The following MACROD2 variants were observed in gnomAD, a reference collection of about 807,000 sequenced individuals.
MACROD2 encodes the protein mono-ADP ribosylhydrolase 2, also known as ADP-ribose glycohydrolase MACROD2.
A neutral mutation model predicts 70.4 loss-of-function variants in MACROD2; 36 were observed. The observed-to-expected ratio is 0.51, with a 90% CI of 0.39 to 0.68. MACROD2 has a LOEUF of 0.68. MACROD2 is among the 30% of genes least tolerant of loss of function. The pLI is 0.00. For synonymous variants in MACROD2, 172 were observed against 178.8 expected, an observed-to-expected ratio of 0.96 and a Z score of 0.30; for missense variants, 496 against 538.4, an observed-to-expected ratio of 0.92 and a Z score of 0.78.
At chr20:14,931,158 T>C (rs530665310) in intron 5 of MACROD2, among the ~76,000 whole-genome samples, 2 of 152,120 alleles carry the variant, frequency 1.3e-5, no homozygotes, top group South Asian at 4.2e-4. Context: ...AAAACACATA[T>C]AGACACTGTC....
intron 3 of MACROD2, among the ~76,000 whole-genome samples, chr20:14,449,640 T>C (rs1018382221): frequency 6.6e-6 from 1 of 152,132 alleles, no homozygotes; most frequent in African/African-American, 2.4e-5. Context: ...TACAAAATAA[T>C]AGGTATCATT....
intron 5 of MACROD2, among the ~76,000 whole-genome samples, chr20:15,173,275 C>T (rs1277452682): frequency 1.3e-5 from 2 of 152,146 alleles, no homozygotes; most frequent in African/African-American, 4.8e-5. Context: ...AAAATGCTTC[C>T]TTTGATATTT....
At chr20:14,545,418 A>C (rs9808604) in intron 4 of MACROD2, among the ~76,000 whole-genome samples, 85,571 of 151,934 alleles carry the variant, frequency 0.56, 24,900 homozygotes, top group East Asian at 0.92. Flanking sequence ...CTACAGGATC[A>C]GATTCAGCTG....
chr20:15,461,223 T>G lies in MACROD2; in HGVS notation c.571+29788T>G, dbSNP rs151292534. 3.5e-3 allele frequency among the ~76,000 whole-genome samples: 533 copies of G among 151,818 alleles called. 7 individuals carry two copies. The highest frequency in any genetic ancestry group is 0.012 in the African/African-American group (511 of 41,404). Reference sequence around the variant, plus strand: ...TCATGTTAAAAGTATTCCAAGGATGTTCTCTTTGGATATTTATTTATTTTA... The same window carrying G: ...TCATGTTAAAAGTATTCCAAGGATGGTCTCTTTGGATATTTATTTATTTTA... On this transcript the variant is annotated intron_variant, in intron 7 of 17. Transcript: ENST00000684519.
At chr20:14,611,406 G>A (rs1983148435) in intron 4 of MACROD2, among the ~76,000 whole-genome samples, 1 of 143,722 alleles carries the variant, frequency 7.0e-6, no homozygotes. Context: ...CATTGGTTCT[G>A]TTTGGGGTCT....
At chr20:14,847,622 GT>G (rs1225233443) in intron 5 of MACROD2, among the ~76,000 whole-genome samples, 1 of 149,474 alleles carries the variant, frequency 6.7e-6, no homozygotes, top group African/African-American at 2.5e-5. Context: ...GCATTTCTTG[GT>G]AAGATGACAG....
chr20:15,096,245 A>G (rs1047186208), intron 5 of MACROD2, among the ~76,000 whole-genome samples: 6 of 151,980 alleles, frequency 3.9e-5, no homozygotes, highest in Admixed American at 2.0e-4. Flanking sequence ...CTCCTACTCA[A>G]GGTGCAATCA....
chr20:14,970,963 C>T (rs1258123277), intron 5 of MACROD2, among the ~76,000 whole-genome samples: 1 of 152,182 alleles, frequency 6.6e-6, no homozygotes, highest in East Asian at 1.9e-4. Flanking sequence ...AGCTATGATA[C>T]TTACACTATG....
At chr20:15,681,952 G>A (rs1307210016) in intron 8 of MACROD2, among the ~76,000 whole-genome samples, 2 of 152,116 alleles carry the variant, frequency 1.3e-5, no homozygotes, top group African/African-American at 4.8e-5. Flanking sequence ...TGATAGATTG[G>A]TGGCCATTCT....
intron 5 of MACROD2, among the ~76,000 whole-genome samples, chr20:15,020,609 T>C (rs758580599): frequency 6.6e-6 from 1 of 152,086 alleles, no homozygotes; most frequent in Non-Finnish European, 1.5e-5. Flanking sequence ...CATGTGAACA[T>C]CGTAGAGTGA....
At chr20:14,412,260 C>T (rs941861462) in intron 3 of MACROD2, among the ~76,000 whole-genome samples, 2 of 152,160 alleles carry the variant, frequency 1.3e-5, no homozygotes, top group Non-Finnish European at 2.9e-5. Context: ...TCCCGTCCCC[C>T]CTAGGCCCTT....
intron 8 of MACROD2, among the ~76,000 whole-genome samples, chr20:15,704,178 A>C (rs1324439138): frequency 2.0e-5 from 3 of 151,874 alleles, no homozygotes; most frequent in Non-Finnish European, 4.4e-5. Flanking sequence ...AATTTCCTAA[A>C]TCTAACCACC....
intron 8 of MACROD2, among the ~76,000 whole-genome samples, chr20:15,799,645 G>A (rs2063706262): frequency 6.6e-6 from 1 of 152,160 alleles, no homozygotes; most frequent in South Asian, 2.1e-4. Context: ...TGACAGAACA[G>A]TATTCCATTG....
At position 14,344,556 on chromosome 20, in the gene MACROD2, T is replaced by A. The variant is rs188264779; in HGVS notation, c.272-148923T>A. 4.0e-4 allele frequency among the ~76,000 whole-genome samples: 61 copies of A among 152,320 alleles called. No homozygotes were observed. The East Asian group carries it at 7.3e-3, about 18-fold the overall frequency. ...TTTCACTAGTTTTGTTTGTTTTTTG[T>A]TTTGTTTGACATTTGAAGTGTATTC... On this transcript the variant is annotated intron_variant, in intron 3 of 17. Coordinates refer to ENST00000684519, the MANE Select transcript of MACROD2 (RefSeq NM_001351661.2).
chr20:14,744,834 G>C (rs1305519329), intron 5 of MACROD2, among the ~76,000 whole-genome samples: 2 of 152,044 alleles, frequency 1.3e-5, no homozygotes, highest in Non-Finnish European at 1.5e-5. Flanking sequence ...GAGTTTTGCT[G>C]TCATAGACCA....
At chr20:15,410,273 C>CTATCCAGTTAGCTTTTTAGTACTTAT (rs2046059094) in intron 6 of MACROD2, among the ~76,000 whole-genome samples, 2 of 152,022 alleles carry the variant, frequency 1.3e-5, no homozygotes, top group African/African-American at 2.4e-5. Flanking sequence ...TTAGTACTTA[C>CTATCCAGTTAGCTTTTTAGTACTTAT]GACTATCTAA....
At chr20:14,934,651 G>A (rs981961676) in intron 5 of MACROD2, among the ~76,000 whole-genome samples, 6 of 152,086 alleles carry the variant, frequency 3.9e-5, no homozygotes, top group Non-Finnish European at 5.9e-5. Context: ...GCTGGGTGTG[G>A]TGGCATGTGC....
rs76443377 is a variant in MACROD2 at position 15,880,655 on chromosome 20, A to G, written c.728-5109A>G. 5.7e-3 allele frequency among the ~76,000 whole-genome samples: 868 copies of G among 152,074 alleles called. 8 individuals are homozygous for G. The highest frequency in any genetic ancestry group is 0.02 in the African/African-American group (826 of 41,498). ...ACTTGGGAAGCAAGGGATCTGGGGT[A>G]CTTATATGCAAATTGTCCATCATTT... On this transcript the variant is annotated intron_variant, in intron 9 of 17. Coordinates refer to ENST00000684519, the MANE Select transcript of MACROD2 (RefSeq NM_001351661.2).
intron 5 of MACROD2, among the ~76,000 whole-genome samples, chr20:15,125,045 G>A (rs1422306777): frequency 6.6e-6 from 1 of 151,968 alleles, no homozygotes; most frequent in Admixed American, 6.6e-5. Context: ...AAATTATTTG[G>A]CTAAATAATG....
Sources: allele counts gnomAD v4.1 joint callset (sites outside exome capture counted in the v4.1 genomes callset), GRCh38; gene constraint gnomAD v4.1.1; transcripts MANE v1.5; gene names NCBI Gene and HGNC (gene_info 2026-07-23, HGNC 2026-07-21).